Variants in DGKH observed in about 807,000 individuals in gnomAD.
DGKH encodes DAG kinase eta.
DGKH carries 90 observed loss-of-function variants against 159.3 expected under a neutral mutation model. That is an observed-to-expected ratio of 0.57 (90% CI 0.48 to 0.67). The LOEUF is 0.67. Ranked by LOEUF, DGKH falls within the 30% of genes least tolerant of loss-of-function variation. The probability of loss-of-function intolerance (pLI) is 0.00; values close to 1 mark genes in which losing one functional copy is unlikely to be tolerated. For missense variants in DGKH, 1,181 were observed against 1,506.1 expected, an observed-to-expected ratio of 0.78 and a Z score of 3.57; for synonymous variants, 536 against 553.8, an observed-to-expected ratio of 0.97 and a Z score of 0.45.
In DGKH at chr13:42,060,553, CCTCGTATAGAAGGGATTGACTTTTTGT is replaced by C. The variant is rs199578160; in HGVS notation, c.192+11591_192+11617del. On this transcript the variant is annotated intron_variant, in intron 1 of 29. Transcript: ENST00000337343. Reference sequence around the variant, plus strand: ...CTTTTATGTCCTGTAGAATAAATTGCCTCGTATAGAAGGGATTGACTTTTTGTCTTGCTAATCACTATCATTAATTCA... The same window carrying C: ...CTTTTATGTCCTGTAGAATAAATTGCCTTGCTAATCACTATCATTAATTCA... Among the ~76,000 whole-genome samples the C allele has an allele frequency of 1.2e-4, 18 of 152,270 alleles. No homozygotes were observed. The East Asian group carries it at 2.5e-3, about 21-fold the overall frequency.
At chr13:42,202,606 G>A (rs1477743679) in intron 20 of DGKH, among the ~76,000 whole-genome samples, 3 of 152,184 alleles carry the variant, frequency 2.0e-5, no homozygotes, top group Admixed American at 6.5e-5. Flanking sequence ...AAATCACAGT[G>A]TGAATGGGAA....
In DGKH at chr13:42,165,264, T is replaced by G. The variant is rs976902308; in HGVS notation, c.856-67T>G. ...AGTTGATTCTAGATTATCAGTTCCT[T>G]AGATGTGATTTATAATGGCAGAACA... On this transcript the variant is annotated intron_variant, in intron 7 of 29. Coordinates refer to ENST00000337343, the MANE Select transcript of DGKH (RefSeq NM_178009.5). 7.5e-6 allele frequency: 6 copies of G among 801,120 alleles called. No homozygotes were observed. The South Asian group carries it at 1.3e-4, about 18-fold the overall frequency. The allele number at this position is 801,120 out of a possible 1,614,324, so 49.6% of individuals were successfully genotyped here. A position where few individuals can be genotyped will look rare whatever the true frequency, so the allele number is the denominator to read the frequency against.
intron 7 of DGKH, among the ~76,000 whole-genome samples, chr13:42,162,785 CA>C (rs1956217593): frequency 1.3e-5 from 2 of 151,168 alleles, no homozygotes; most frequent in African/African-American, 4.9e-5. Context: ...GCTTGGGCAA[CA>C]AGAGTGAAAC....
chr13:42,250,725 C>T (rs899852965), intron 29 of DGKH, among the ~76,000 whole-genome samples: 4 of 152,184 alleles, frequency 2.6e-5, no homozygotes, highest in African/African-American at 9.7e-5. Context: ...GAAGCCAGTG[C>T]CCATTAAAGT....
intron 1 of DGKH, among the ~76,000 whole-genome samples, chr13:42,067,230 C>T (rs1258859579): frequency 6.6e-6 from 1 of 152,070 alleles, no homozygotes; most frequent in Admixed American, 6.6e-5. Flanking sequence ...GCGTGTTAAA[C>T]TATTTTAAGG....
chr13:42,132,385 G>A (rs149953076), intron 3 of DGKH, among the ~76,000 whole-genome samples: 1 of 152,142 alleles, frequency 6.6e-6, no homozygotes, highest in Non-Finnish European at 1.5e-5. Context: ...TTCCTATTTA[G>A]CTAGAATTTT....
intron 3 of DGKH, among the ~76,000 whole-genome samples, chr13:42,155,040 G>A (rs1424692761): frequency 1.3e-5 from 2 of 152,120 alleles, no homozygotes; most frequent in Non-Finnish European, 2.9e-5. Flanking sequence ...GAATAAGAAT[G>A]CATTGTGTAT....
intron 3 of DGKH, among the ~76,000 whole-genome samples, chr13:42,136,944 A>G (rs1200442737): frequency 6.6e-6 from 1 of 152,232 alleles, no homozygotes; most frequent in Non-Finnish European, 1.5e-5. Context: ...AATAAACATG[A>G]GAACATACTC....
intron 1 of DGKH, among the ~76,000 whole-genome samples, chr13:42,116,988 G>T (rs1375889520): frequency 6.6e-6 from 1 of 152,128 alleles, no homozygotes. Flanking sequence ...TTGGATTCCA[G>T]TTGGAGTCTA....
intron 30 of DGKH, among the ~76,000 whole-genome samples, chr13:42,254,731 A>G (rs891530810): frequency 6.6e-6 from 1 of 152,140 alleles, no homozygotes. Context: ...AAGGCAGTAT[A>G]TATGCTTTAT....
intron 13 of DGKH, among the ~76,000 whole-genome samples, chr13:42,183,800 A>G (rs79066163): frequency 6.6e-6 from 1 of 152,232 alleles, no homozygotes; most frequent in African/African-American, 2.4e-5. Flanking sequence ...AATGTAAAAC[A>G]GTTATTAAAT....
intron 17 of DGKH, among the ~76,000 whole-genome samples, chr13:42,198,239 T>TAAA (rs1282488095): frequency 6.6e-6 from 1 of 152,222 alleles, no homozygotes; most frequent in Non-Finnish European, 1.5e-5. Context: ...CATTCCTATT[T>TAAA]AGGTCCTCCT....
intron 21 of DGKH, 83 bp from the exon 22 acceptor site, chr13:42,208,876 G>A (rs168329): frequency 0.97 from 366,431 of 376,126 alleles, 178,646 homozygotes; most frequent in Non-Finnish European, 0.99. Flanking sequence ...TTAAATATAT[G>A]TAGATATATA....
chr13:42,068,681 C>G (rs1219796183), intron 1 of DGKH, among the ~76,000 whole-genome samples: 1 of 152,174 alleles, frequency 6.6e-6, no homozygotes, highest in African/African-American at 2.4e-5. Flanking sequence ...CTTCACTTGT[C>G]TTAGTGCATT....
chr13:42,252,801 G>C (rs546039735), intron 30 of DGKH, among the ~76,000 whole-genome samples: 1 of 151,586 alleles, frequency 6.6e-6, no homozygotes, highest in African/African-American at 2.4e-5. Context: ...AGGCTAGAGT[G>C]CAGTAGTGCG....
intron 1 of DGKH, 101 bp downstream of exon 1, chr13:42,049,066 AGGCGGG>A (rs1881028205): frequency 6.5e-5 from 1 of 15,404 alleles, no homozygotes; most frequent in South Asian, 5.3e-3. Context: ...AAGGCGGGGA[AGGCGGG>A]GAAGGCGGGG....
At chr13:42,153,246 A>G (rs1435665724) in intron 3 of DGKH, among the ~76,000 whole-genome samples, 4 of 152,242 alleles carry the variant, frequency 2.6e-5, no homozygotes, top group Non-Finnish European at 5.9e-5. Flanking sequence ...CAAATACACA[A>G]AGAAAAATTA....
chr13:42,180,990 T>C (rs1434552355), intron 13 of DGKH, among the ~76,000 whole-genome samples: 3 of 152,094 alleles, frequency 2.0e-5, no homozygotes, highest in African/African-American at 7.2e-5. Flanking sequence ...AAGAATATCC[T>C]CTTCGGCCGG....
intron 17 of DGKH, among the ~76,000 whole-genome samples, chr13:42,197,570 A>G (rs1335709718): frequency 2.0e-5 from 3 of 152,112 alleles, no homozygotes; most frequent in East Asian, 3.9e-4. Flanking sequence ...ATTGCTGGGC[A>G]TGGTGGCACA....
Sources: allele counts gnomAD v4.1 joint callset (sites outside exome capture counted in the v4.1 genomes callset), GRCh38; gene constraint gnomAD v4.1.1; transcripts MANE v1.5; gene names NCBI Gene and HGNC (gene_info 2026-07-23, HGNC 2026-07-21).